Variants in BPIFB4 observed in about 807,000 individuals in gnomAD.
The protein encoded by BPIFB4 is BPI fold containing family B member 4, also known as BPI fold-containing family B member 4.
In BPIFB4, 62 loss-of-function variants were observed where a neutral mutation model predicts 69.2. The ratio of observed to expected loss-of-function variants is 0.90; its 90% CI spans 0.73 to 1.11. BPIFB4 has a LOEUF of 1.11. Among genes scored for constraint, BPIFB4 ranks in the 50% least tolerant of loss-of-function variants. BPIFB4 has a pLI of 0.00. For missense variants in BPIFB4, 789 were observed against 792.0 expected, an observed-to-expected ratio of 1.00 and a Z score of 0.04; for synonymous variants, 330 against 332.7, an observed-to-expected ratio of 0.99 and a Z score of 0.09.
chr20:33,103,895 C>A (rs1981973990), intron 15 of BPIFB4, among the ~76,000 whole-genome samples: 1 of 152,202 alleles, frequency 6.6e-6, no homozygotes, highest in Non-Finnish European at 1.5e-5. Flanking sequence ...AAGAAAGGGG[C>A]TGACAGTGTA....
In BPIFB4 at chr20:33,111,674, G is replaced by A. The variant is rs764000173; in HGVS notation, c.*237G>A. 304 of 555,784 alleles carry A rather than the reference G, an allele frequency of 5.5e-4. 1 individual carries two copies. Among genetic ancestry groups the A allele is most frequent in the Admixed American group, 9.3e-4 (31 of 33,376 alleles). 34.4% of individuals were successfully genotyped at this position (555,784 alleles called of 1,614,324 possible). A position where few individuals can be genotyped will look rare whatever the true frequency, so the allele number is the denominator to read the frequency against. On this transcript the variant is annotated 3_prime_UTR_variant, in exon 18 of 18. Transcript: ENST00000375483. ...CCAGGAGGAGGGGAGTCACCTTGGG[G>A]CTGGAGGCCTCTCAGACCCCATCCT...
At position 33,085,059 on chromosome 20, in the gene BPIFB4, C is replaced by A. The variant is rs1981383861; in HGVS notation, c.782+63C>A. 5 of 1,563,948 alleles carry A rather than the reference C, an allele frequency of 3.2e-6. No homozygotes were observed. In the South Asian group the frequency reaches 5.8e-5, roughly 18 times the overall value. On this transcript the variant is annotated intron_variant, in intron 6 of 17. Transcript: ENST00000375483. ...TATGGCCCAACCTCTGTATCCATAACACAGAGGCTAGGAAGACCTAAACTT... is the reference window on the plus strand; with the variant it reads ...TATGGCCCAACCTCTGTATCCATAAAACAGAGGCTAGGAAGACCTAAACTT...
rs1470558239 is a variant in BPIFB4, at chr20:33,107,286, GA to G, written c.1745-453del. 4.5e-4 allele frequency among the ~76,000 whole-genome samples: 68 copies of G among 150,222 alleles called. 1 individual carries two copies. In the South Asian group the frequency reaches 0.014, roughly 31 times the overall value. ...AGAAAAGAGAAAAGGGAAAAGAAAA[GA>G]AAAAGAAAAAGAAATTGCCAGGTGT... is the stretch of plus-strand genomic sequence containing the variant. On this transcript the variant is annotated intron_variant, in intron 16 of 17. Coordinates refer to ENST00000375483, the MANE Select transcript of BPIFB4 (RefSeq NM_182519.3).
At position 33,097,104 on chromosome 20, in the gene BPIFB4, T is replaced by C. The variant is rs185851011; in HGVS notation, c.1399-513T>C. Among the ~76,000 whole-genome samples the C allele has an allele frequency of 3.4e-3, 512 of 152,272 alleles. 4 individuals carry two copies. Among genetic ancestry groups the C allele is most frequent in the African/African-American group, 0.012 (495 of 41,544 alleles). On this transcript the variant is annotated intron_variant, in intron 12 of 17. Coordinates refer to ENST00000375483, the MANE Select transcript of BPIFB4 (RefSeq NM_182519.3). ...GATTCCCCAGGCGTGGACTTCTCAT[T>C]TCAGGAACAGTGTTCAGAGGCATTG...
intron 11 of BPIFB4, 148 bp downstream of exon 11, chr20:33,092,806 C>T (rs563354610): frequency 5.0e-5 from 36 of 713,592 alleles, no homozygotes; most frequent in East Asian, 8.2e-5. Context: ...CATGGGTGTG[C>T]GTCAATTACG....
At chr20:33,083,215 G>T in intron 4 of BPIFB4, 152 bp from the exon 5 acceptor site, 1 of 636,518 alleles carries the variant, frequency 1.6e-6, no homozygotes, top group South Asian at 1.8e-5. Flanking sequence ...GTGGGGGGTT[G>T]CTGGGTGGCA....
At chr20:33,100,723 A>G (rs1981886199) in intron 14 of BPIFB4, among the ~76,000 whole-genome samples, 1 of 152,224 alleles carries the variant, frequency 6.6e-6, no homozygotes, top group South Asian at 2.1e-4. Flanking sequence ...GTCAGTAATA[A>G]TGATGCTGGG....
At chr20:33,095,372 A>G (rs1981728603) in intron 12 of BPIFB4, among the ~76,000 whole-genome samples, 1 of 152,120 alleles carries the variant, frequency 6.6e-6, no homozygotes, top group South Asian at 2.1e-4. Flanking sequence ...CCTGAATTCT[A>G]TAGGTGGTCC....
intron 11 of BPIFB4, among the ~76,000 whole-genome samples, chr20:33,093,009 A>G (rs1267270389): frequency 6.6e-6 from 1 of 152,238 alleles, no homozygotes; most frequent in Non-Finnish European, 1.5e-5. Context: ...ACACTAATAC[A>G]TAAGTAACAA....
intron 10 of BPIFB4, among the ~76,000 whole-genome samples, 179 bp downstream of exon 10, chr20:33,090,978 C>T (rs1480086659): frequency 6.6e-6 from 1 of 152,210 alleles, no homozygotes; most frequent in Non-Finnish European, 1.5e-5. Context: ...GCCAGCATTC[C>T]AAATGCTTAC....
rs755704401 is a variant in BPIFB4, at chr20:33,097,653, A to T, written c.1435A>T (p.Ile479Phe). 6 of 1,614,106 alleles carry T rather than the reference A, an allele frequency of 3.7e-6. No individual in the cohort carries two copies. ...GTACCCCGAGTCCTGCCCACTTATCATCAGGATCCAGGTGCTGAACCCACC... is the reference window on the plus strand; with the variant it reads ...GTACCCCGAGTCCTGCCCACTTATCTTCAGGATCCAGGTGCTGAACCCACC... ...QQYPESCPLI[I>F]RIQVLNPPSV... Residue 479 changes from isoleucine to phenylalanine, a missense_variant, in exon 13 of 18, where the codon ATC (isoleucine) becomes TTC (phenylalanine). Physicochemically the swap from Ile to Phe is conservative, Grantham distance 21. This residue lies in a region of BPIFB4 where 170 missense variants were observed against 193.6 expected (regional missense o/e 0.88). Transcript: ENST00000375483.
At position 33,081,863 on chromosome 20, in the gene BPIFB4, T is replaced by C. The variant is rs115709916; in HGVS notation, c.106+231T>C. ...CTTTATGCTCATTCTTTAGAGGCAA[T>C]AGAGAACAATGATTAAGAGCCCTGG... is the stretch of plus-strand genomic sequence containing the variant. On this transcript the variant is annotated intron_variant, in intron 3 of 17. Transcript: ENST00000375483. 3.4e-3 allele frequency among the ~76,000 whole-genome samples: 520 copies of C among 152,338 alleles called. 3 individuals carry two copies. The highest frequency in any genetic ancestry group is 0.012 in the African/African-American group (498 of 41,572).
chr20:33,098,241 T>G (rs192774455), intron 13 of BPIFB4, among the ~76,000 whole-genome samples: 7 of 152,244 alleles, frequency 4.6e-5, no homozygotes, highest in Admixed American at 4.6e-4. Context: ...TCTCACAGGT[T>G]GCCTATACCC....
chr20:33,096,422 T>G (rs1981754994), intron 12 of BPIFB4, among the ~76,000 whole-genome samples: 1 of 152,130 alleles, frequency 6.6e-6, no homozygotes, highest in Non-Finnish European at 1.5e-5. Flanking sequence ...ACTACAGGCA[T>G]GCACCACCAT....
intron 11 of BPIFB4, 89 bp downstream of exon 11, chr20:33,092,747 C>A (rs1981643664): frequency 6.1e-6 from 8 of 1,307,440 alleles, no homozygotes; most frequent in Non-Finnish European, 8.6e-6. Flanking sequence ...GGGGAATTTG[C>A]TGTGAAGTGA....
intron 12 of BPIFB4, among the ~76,000 whole-genome samples, chr20:33,096,480 G>A (rs1196898921): frequency 6.6e-6 from 1 of 152,142 alleles, no homozygotes; most frequent in Non-Finnish European, 1.5e-5. Context: ...TCGCCATGTT[G>A]ACCAGGCTGG....
In BPIFB4 at chr20:33,100,486, C is replaced by T; in HGVS notation, c.1630C>T (p.Leu544=). ...EGDKLMIDAK[L]EKTSLNLRTS... ...AGATAAGCTCATGATTGATGCCAAGCTGGAGAAGTAAGGGGCTATGCTGCC... is the reference window on the plus strand; with the variant it reads ...AGATAAGCTCATGATTGATGCCAAGTTGGAGAAGTAAGGGGCTATGCTGCC... Residue 544 remains leucine (L), a synonymous_variant, in exon 14 of 18, where the codon CTG becomes TTG. Coordinates refer to ENST00000375483, the MANE Select transcript of BPIFB4 (RefSeq NM_182519.3). 3 of 1,607,568 alleles carry T rather than the reference C, an allele frequency of 1.9e-6. No homozygotes were observed. Among genetic ancestry groups the T allele is most frequent in the South Asian group, 2.2e-5 (2 of 90,912 alleles).
intron 10 of BPIFB4, 116 bp downstream of exon 10, chr20:33,090,915 C>G (rs548361369): frequency 8.0e-7 from 1 of 1,254,506 alleles, no homozygotes; most frequent in South Asian, 1.4e-5. Context: ...TTGACAGGAC[C>G]CTCTCGATTA....
rs1555882901 is a variant in BPIFB4, at chr20:33,090,780, T to G, written c.1124T>G (p.Phe375Cys). 1.9e-6 allele frequency: 3 copies of G among 1,614,030 alleles called. No individual in the cohort carries two copies. Residue 375 changes from phenylalanine to cysteine, a missense_variant, in exon 10 of 18, where the codon TTC (phenylalanine) becomes TGC (cysteine). Coordinates refer to ENST00000375483, the MANE Select transcript of BPIFB4 (RefSeq NM_182519.3). ...AGCCTCCCGCTTGTGACCGGGGAAT[T>G]CCTGGAGCTGGACCTCAACGTGAGT... ...FSSLPLVTGE[F>C]LELDLNTLVG...
Sources: gnomAD v4.1 joint callset for allele counts (sites outside exome capture counted in the v4.1 genomes callset) on GRCh38, gnomAD v4.1.1 for gene constraint, gnomAD v4.1.1 regional missense constraint, MANE v1.5 for transcripts, NCBI Gene and HGNC (gene_info 2026-07-23, HGNC 2026-07-21) for gene names.